The following LOC122539214 variants were observed in gnomAD, a reference collection of about 807,000 sequenced individuals.
chr19:52,670,587 G>C, the LOC122539214 span, among the ~76,000 whole-genome samples: 2 of 152,156 alleles, frequency 1.3e-5, no homozygotes, highest in African/African-American at 4.8e-5. Context: ...TCATGGAAAA[G>C]AGTCAAACTC....
chr19:52,656,128 G>T, the LOC122539214 span, among the ~76,000 whole-genome samples: 2 of 152,080 alleles, frequency 1.3e-5, no homozygotes, highest in African/African-American at 4.8e-5. Context: ...TAGGAGTATA[G>T]CTTGAGCTCC....
the LOC122539214 span, among the ~76,000 whole-genome samples, chr19:52,689,189 A>G: frequency 6.6e-6 from 1 of 152,172 alleles, no homozygotes; most frequent in Admixed American, 6.6e-5. Flanking sequence ...ACTTATAAAA[A>G]CCCTGCTCTG....
At chr19:52,670,447 G>A in the LOC122539214 span, among the ~76,000 whole-genome samples, 13 of 152,086 alleles carry the variant, frequency 8.5e-5, no homozygotes, top group Non-Finnish European at 8.8e-5. Flanking sequence ...TGCTCCCTCT[G>A]TGAGGGCACA....
the LOC122539214 span, among the ~76,000 whole-genome samples, chr19:52,672,936 T>C: frequency 9.2e-5 from 14 of 151,980 alleles, no homozygotes; most frequent in East Asian, 7.7e-4. Context: ...GTACAAAAAA[T>C]AGAATAAGAC....
the LOC122539214 span, among the ~76,000 whole-genome samples, chr19:52,683,510 T>C: frequency 1.0e-4 from 3 of 29,804 alleles, 1 homozygote; most frequent in East Asian, 1.1e-3. Context: ...CCACCCTTCC[T>C]GAAGGGAATC....
chr19:52,665,039 T>C, the LOC122539214 span, among the ~76,000 whole-genome samples: 2 of 152,148 alleles, frequency 1.3e-5, no homozygotes, highest in African/African-American at 2.4e-5. Flanking sequence ...GAATGCAAAC[T>C]AGAATGCGAA....
chr19:52,673,419 T>C, the LOC122539214 span, among the ~76,000 whole-genome samples: 20 of 151,114 alleles, frequency 1.3e-4, no homozygotes, highest in African/African-American at 4.9e-4. Context: ...AGGAGAATCA[T>C]TTGAGCCAAG....
At chr19:52,673,413 G>A in the LOC122539214 span, among the ~76,000 whole-genome samples, 1 of 152,108 alleles carries the variant, frequency 6.6e-6, no homozygotes, top group Non-Finnish European at 1.5e-5. Context: ...TGTGGCAGGA[G>A]AATCATTTGA....
the LOC122539214 span, among the ~76,000 whole-genome samples, chr19:52,675,931 C>G: frequency 6.6e-6 from 1 of 152,198 alleles, no homozygotes; most frequent in Non-Finnish European, 1.5e-5. Flanking sequence ...GTGGCTCATG[C>G]TTGTAATCCC....
chr19:52,672,812 C>G, the LOC122539214 span, among the ~76,000 whole-genome samples: 1 of 152,104 alleles, frequency 6.6e-6, no homozygotes, highest in Non-Finnish European at 1.5e-5. Context: ...GTTGGCCAGG[C>G]TGGTCTCCAA....
At chr19:52,679,509 G>A in the LOC122539214 span, among the ~76,000 whole-genome samples, 4 of 152,200 alleles carry the variant, frequency 2.6e-5, no homozygotes, top group Non-Finnish European at 4.4e-5. Flanking sequence ...TACAAGGGAG[G>A]CTCAGGCAGG....
At chr19:52,657,419 C>T in the LOC122539214 span, among the ~76,000 whole-genome samples, 6 of 151,798 alleles carry the variant, frequency 4.0e-5, no homozygotes, top group Admixed American at 2.0e-4. Context: ...AGACCAGCCT[C>T]ATCAATATGG....
At chr19:52,652,601 A>G in the LOC122539214 span, 7 of 440,120 alleles carry the variant, frequency 1.6e-5, no homozygotes, top group East Asian at 3.9e-4. Flanking sequence ...ACTGCAAGCT[A>G]TGAACAATGT....
chr19:52,664,376 G>T, the LOC122539214 span, among the ~76,000 whole-genome samples: 2 of 151,922 alleles, frequency 1.3e-5, no homozygotes, highest in African/African-American at 4.8e-5. Context: ...TGTAGCTGTG[G>T]TCCCAGCTAC....
chr19:52,681,625 C>T, the LOC122539214 span, among the ~76,000 whole-genome samples: 1 of 152,122 alleles, frequency 6.6e-6, no homozygotes, highest in African/African-American at 2.4e-5. Flanking sequence ...AAAATTACCA[C>T]AAATCAAATA....
chr19:52,654,302 T>G, the LOC122539214 span: 1 of 1,512,310 alleles, frequency 6.6e-7, no homozygotes, highest in Non-Finnish European at 9.2e-7. Context: ...AAATCTCCAA[T>G]GTGATGACTT....
the LOC122539214 span, among the ~76,000 whole-genome samples, chr19:52,688,297 A>G: frequency 6.6e-6 from 1 of 151,420 alleles, no homozygotes; most frequent in Admixed American, 6.6e-5. Context: ...TGGCCTCCAG[A>G]GTAGCTGGGA....
At chr19:52,652,362 G>T in the LOC122539214 span, 1 of 313,566 alleles carries the variant, frequency 3.2e-6, no homozygotes, top group Non-Finnish European at 6.2e-6. Flanking sequence ...ATGAACCTGG[G>T]AGGTGGAGGT....
chr19:52,666,618 C>CA, the LOC122539214 span, among the ~76,000 whole-genome samples: 287 of 105,714 alleles, frequency 2.7e-3, 1 homozygote, highest in East Asian at 6.1e-3. Flanking sequence ...TATCCTAAGT[C>CA]AAAAAAAAAA....
Sources: allele counts gnomAD v4.1 joint callset (sites outside exome capture counted in the v4.1 genomes callset), GRCh38; gene constraint gnomAD v4.1.1; transcripts MANE v1.5.